COIL: variants seen among roughly 807,000 people sequenced by gnomAD.
The protein encoded by COIL is coilin p80.
COIL carries 28 observed loss-of-function variants against 51.6 expected under a neutral mutation model. The observed-to-expected ratio is 0.54, with a 90% CI of 0.40 to 0.74. The LOEUF is 0.74. Among genes scored for constraint, COIL ranks in the 30% least tolerant of loss-of-function variants. The probability of loss-of-function intolerance (pLI) is 0.00; values close to 1 mark genes in which losing one functional copy is unlikely to be tolerated. For missense variants in COIL, 667 were observed against 685.9 expected (o/e 0.97, Z 0.31); for synonymous variants, 233 against 255.8 (o/e 0.91, Z 0.85).
At chr17:56,958,879 T>C (rs1209571740) in intron 1 of COIL, among the ~76,000 whole-genome samples, 1 of 152,238 alleles carries the variant, frequency 6.6e-6, no homozygotes. Context: ...CATAATATCC[T>C]GATTTAAAGA....
chr17:56,960,921 G>A lies in COIL; in HGVS notation c.99C>T (p.Asn33=), dbSNP rs1011898813. Residue 33 remains asparagine (N), a synonymous_variant, in exon 1 of 7, where the codon AAC becomes AAT. Transcript: ENST00000240316. ...TGAGATCTGTGACGACTCGGCATCT[G>A]TTCAAGTCGACCAGAAGCCAGAAGG... ...CTAFWLLVDL[N]RCRVVTDLIS... 6.8e-6 allele frequency: 11 copies of A among 1,614,240 alleles called. No individual in the cohort carries two copies. The Middle Eastern group carries it at 8.2e-4, about 121-fold the overall frequency.
intron 1 of COIL, chr17:56,952,331 C>T (rs962641631): frequency 2.2e-5 from 10 of 449,146 alleles, no homozygotes; most frequent in African/African-American, 1.6e-4. Flanking sequence ...CTGACAACCT[C>T]GGCTGGCATC....
chr17:56,946,200 A>T (rs1205691234), intron 5 of COIL, among the ~76,000 whole-genome samples: 1 of 152,114 alleles, frequency 6.6e-6, no homozygotes, highest in Non-Finnish European at 1.5e-5. Flanking sequence ...TTTATAATCG[A>T]TTTTCATCAG....
At chr17:56,960,047 C>A (rs1361312840) in intron 1 of COIL, among the ~76,000 whole-genome samples, 9 of 152,114 alleles carry the variant, frequency 5.9e-5, no homozygotes, top group African/African-American at 9.7e-5. Context: ...CCCGTCTCTA[C>A]TAAAAATACA....
At chr17:56,946,908 G>C (rs1173670993) in intron 4 of COIL, among the ~76,000 whole-genome samples, 1 of 152,184 alleles carries the variant, frequency 6.6e-6, no homozygotes. Flanking sequence ...GGAGAGACTA[G>C]ATATATCCTA....
intron 1 of COIL, among the ~76,000 whole-genome samples, chr17:56,953,283 C>T (rs560249647): frequency 3.3e-5 from 5 of 151,570 alleles, no homozygotes; most frequent in Non-Finnish European, 5.9e-5. Context: ...TGGTGGCGGG[C>T]GCCTGTAGTC....
chr17:56,957,554 A>T (rs1394376618), intron 1 of COIL, among the ~76,000 whole-genome samples: 2 of 150,026 alleles, frequency 1.3e-5, no homozygotes, highest in Non-Finnish European at 3.0e-5. Flanking sequence ...CCTGGGAGGC[A>T]GATGTTGCAG....
At chr17:56,957,429 G>A (rs1440961468) in intron 1 of COIL, among the ~76,000 whole-genome samples, 2 of 152,158 alleles carry the variant, frequency 1.3e-5, no homozygotes, top group South Asian at 2.1e-4. Context: ...AGACCAGCCT[G>A]GCCAACATGG....
intron 1 of COIL, chr17:56,952,549 T>A (rs995419548): frequency 3.9e-5 from 9 of 229,978 alleles, no homozygotes; most frequent in African/African-American, 7.1e-5. Flanking sequence ...TGGGTGGGCC[T>A]CATCCAACCC....
Position 56,949,716 on chromosome 17 carries a change from C to T in COIL, c.1405G>A (p.Ala469Thr). The change falls in exon 3 of 7, where the codon GCT becomes ACT. Residue 469 changes from alanine to threonine, a missense_variant. By Grantham distance (58) the Ala-to-Thr change is moderately conservative. Transcript: ENST00000240316. ...ATCTTTTCTCCAACTTGAGGGGCAGCTGCTAACAGTGGTAACAGACTATAG... is the reference window on the plus strand; with the variant it reads ...ATCTTTTCTCCAACTTGAGGGGCAGTTGCTAACAGTGGTAACAGACTATAG... ...KDYSLLPLLA[A>T]APQVGEKIAF... 1.2e-6 allele frequency: 2 copies of T among 1,614,200 alleles called. No homozygotes were observed. The highest frequency in any genetic ancestry group is 1.3e-5 in the African/African-American group (1 of 75,064).
intron 4 of COIL, 64 bp downstream of exon 4, chr17:56,949,323 G>T: frequency 7.9e-7 from 1 of 1,259,490 alleles, no homozygotes. Flanking sequence ...CATACAAGTA[G>T]TATTAAATAT....
chr17:56,938,993 TAA>T lies in COIL; in HGVS notation c.*76_*77del, dbSNP rs3056865. Reference sequence around the variant, plus strand: ...ATCCATACAACTTCCAAATCCTCTTTAAAAAAAAAAAAAAGTTTGGGTTATAG... The same window carrying T: ...ATCCATACAACTTCCAAATCCTCTTTAAAAAAAAAAAAGTTTGGGTTATAG... On this transcript the variant is annotated 3_prime_UTR_variant, in exon 7 of 7. Transcript: ENST00000240316. 1,484 of 615,382 alleles carry T rather than the reference TAA, an allele frequency of 2.4e-3. No individual in the cohort carries two copies. The highest frequency in any genetic ancestry group is 4.1e-3 in the South Asian group (178 of 43,024). The allele number at this position is 615,382 out of a possible 1,614,324, so 38.1% of individuals were successfully genotyped here.
chr17:56,940,680 AAT>A (rs1261962669), intron 6 of COIL, among the ~76,000 whole-genome samples: 6 of 152,334 alleles, frequency 3.9e-5, no homozygotes, highest in African/African-American at 1.2e-4. Flanking sequence ...CTTCAGAAAA[AAT>A]ATGTTTGCAA....
chr17:56,942,688 G>C (rs935892147), intron 5 of COIL, among the ~76,000 whole-genome samples: 2 of 152,098 alleles, frequency 1.3e-5, no homozygotes, highest in African/African-American at 4.8e-5. Context: ...GCTAATTTTT[G>C]TATTTTTAGT....
chr17:56,950,699 T>G lies in COIL; in HGVS notation c.543A>C (p.Lys181Asn), dbSNP rs200440329. ...TCTCCTTTTTCTTTGGTGATTTTCT[T>G]TTGGCCTCTTCGTTATCATCACCCA... ...GTVGDDNEEA[K>N]RKSPKKKEKC... is the part of the protein sequence containing the mutation. Residue 181 changes from lysine to asparagine, a missense_variant, in exon 2 of 7, where the codon AAA (lysine) becomes AAC (asparagine). Coordinates refer to ENST00000240316, the MANE Select transcript of COIL (RefSeq NM_004645.3). 7 of 1,610,872 alleles carry G rather than the reference T, an allele frequency of 4.3e-6. No homozygotes were observed. Among genetic ancestry groups the G allele is most frequent in the African/African-American group, 1.3e-5 (1 of 74,500 alleles).
intron 6 of COIL, among the ~76,000 whole-genome samples, chr17:56,939,768 A>G (rs181949797): frequency 4.9e-4 from 75 of 152,222 alleles, no homozygotes; most frequent in African/African-American, 1.8e-3. Flanking sequence ...ATAAATAAAT[A>G]ACTCATTTAC....
intron 5 of COIL, among the ~76,000 whole-genome samples, chr17:56,944,746 G>A (rs577235694): frequency 7.9e-5 from 12 of 152,182 alleles, no homozygotes; most frequent in South Asian, 2.1e-4. Flanking sequence ...GGCCAGGTGC[G>A]GTGGTTCATG....
intron 6 of COIL, among the ~76,000 whole-genome samples, chr17:56,939,595 C>G (rs951729388): frequency 4.6e-5 from 7 of 152,038 alleles, no homozygotes; most frequent in African/African-American, 1.7e-4. Flanking sequence ...CAAAAATTAG[C>G]CGGGCATGGT....
At chr17:56,951,939 T>G (rs1033026129) in intron 1 of COIL, among the ~76,000 whole-genome samples, 1 of 152,094 alleles carries the variant, frequency 6.6e-6, no homozygotes, top group African/African-American at 2.4e-5. Context: ...TAGCTGGAAT[T>G]ACAGGCGCCT....
Sources: allele counts gnomAD v4.1 joint callset (sites outside exome capture counted in the v4.1 genomes callset), GRCh38; gene constraint gnomAD v4.1.1; transcripts MANE v1.5; gene names NCBI Gene and HGNC (gene_info 2026-07-23, HGNC 2026-07-21).